The following TMEM132C variants were observed in gnomAD, a reference collection of about 807,000 sequenced individuals.
TMEM132C encodes the protein protein phosphatase 1, regulatory subunit 152.
TMEM132C carries 29 observed loss-of-function variants against 61.4 expected under a neutral mutation model. That is an observed-to-expected ratio of 0.47 (90% CI 0.35 to 0.64). TMEM132C has a LOEUF of 0.64. TMEM132C is among the 30% of genes least tolerant of loss of function. The pLI is 0.00. For missense variants in TMEM132C, 1,408 were observed against 1,476.9 expected (o/e 0.95, Z 0.76); for synonymous variants, 656 against 633.1 (o/e 1.04, Z -0.54).
intron 1 of TMEM132C, among the ~76,000 whole-genome samples, chr12:128,349,646 G>A (rs1284907401): frequency 1.3e-5 from 2 of 152,128 alleles, no homozygotes; most frequent in African/African-American, 4.8e-5. Context: ...CTCCTTTTGT[G>A]TTTCAGGTAT....
intron 8 of TMEM132C, among the ~76,000 whole-genome samples, chr12:128,702,297 A>AT (rs1954809693): frequency 6.6e-6 from 1 of 151,390 alleles, no homozygotes; most frequent in South Asian, 2.1e-4. Flanking sequence ...TTCATAGACT[A>AT]TTTTTGTTGG....
chr12:128,320,111 T>C (rs1219644135), intron 1 of TMEM132C, among the ~76,000 whole-genome samples: 1 of 152,204 alleles, frequency 6.6e-6, no homozygotes, highest in Non-Finnish European at 1.5e-5. Flanking sequence ...TTAGGAACGC[T>C]CCTGTTTTTG....
chr12:128,271,775 G>A (rs1426926506), intron 1 of TMEM132C, among the ~76,000 whole-genome samples: 2 of 152,176 alleles, frequency 1.3e-5, no homozygotes, highest in African/African-American at 4.8e-5. Flanking sequence ...TCACCAGGGT[G>A]GCTACAGTCA....
At chr12:128,517,762 C>T (rs111817873) in intron 2 of TMEM132C, among the ~76,000 whole-genome samples, 1 of 152,042 alleles carries the variant, frequency 6.6e-6, no homozygotes, top group Non-Finnish European at 1.5e-5. Context: ...GCAGCCATGT[C>T]CTGTCTTTGG....
chr12:128,613,163 A>C (rs1876689777), intron 3 of TMEM132C, among the ~76,000 whole-genome samples: 1 of 152,118 alleles, frequency 6.6e-6, no homozygotes, highest in Admixed American at 6.5e-5. Context: ...ATCCAATACT[A>C]AGGGAAGTGA....
At chr12:128,674,639 G>A (rs1392113023) in intron 5 of TMEM132C, among the ~76,000 whole-genome samples, 4 of 152,158 alleles carry the variant, frequency 2.6e-5, no homozygotes, top group African/African-American at 9.7e-5. Context: ...GAGCTACAGT[G>A]TGCTCACCTG....
intron 1 of TMEM132C, among the ~76,000 whole-genome samples, chr12:128,303,453 T>C (rs1412117186): frequency 1.3e-5 from 2 of 152,222 alleles, no homozygotes; most frequent in Non-Finnish European, 2.9e-5. Context: ...GAGGGAACAA[T>C]GATTTTAATT....
chr12:128,680,423 G>C (rs1485907971), intron 5 of TMEM132C, among the ~76,000 whole-genome samples: 1 of 152,200 alleles, frequency 6.6e-6, no homozygotes, highest in Non-Finnish European at 1.5e-5. Context: ...TGTCATCATA[G>C]ACTGATATTA....
intron 4 of TMEM132C, among the ~76,000 whole-genome samples, chr12:128,621,847 G>A (rs1362380009): frequency 2.0e-5 from 3 of 152,152 alleles, no homozygotes; most frequent in East Asian, 1.9e-4. Context: ...TGGGACTAGC[G>A]TGGGGTGTTG....
At chr12:128,602,958 C>T (rs372789600) in intron 3 of TMEM132C, among the ~76,000 whole-genome samples, 26 of 152,296 alleles carry the variant, frequency 1.7e-4, no homozygotes, top group African/African-American at 5.3e-4. Flanking sequence ...CAAGGTGGCC[C>T]AAGGTTACTG....
intron 2 of TMEM132C, among the ~76,000 whole-genome samples, chr12:128,516,056 C>G (rs1872707624): frequency 6.6e-6 from 1 of 152,092 alleles, no homozygotes; most frequent in Non-Finnish European, 1.5e-5. Flanking sequence ...TGTTTCCATT[C>G]AGAAGGAAGG....
At chr12:128,492,764 G>T (rs1349571798) in intron 2 of TMEM132C, among the ~76,000 whole-genome samples, 1 of 152,080 alleles carries the variant, frequency 6.6e-6, no homozygotes, top group Non-Finnish European at 1.5e-5. Context: ...CTTTGTCAGA[G>T]GGGTAGATTG....
intron 1 of TMEM132C, among the ~76,000 whole-genome samples, chr12:128,321,500 C>G (rs1389014905): frequency 6.6e-6 from 1 of 152,162 alleles, no homozygotes; most frequent in African/African-American, 2.4e-5. Flanking sequence ...TGGAGGGATG[C>G]AGCTCTGGCT....
At chr12:128,399,053 C>T (rs893741336) in intron 1 of TMEM132C, among the ~76,000 whole-genome samples, 3 of 152,168 alleles carry the variant, frequency 2.0e-5, no homozygotes, top group South Asian at 2.1e-4. Context: ...ATCAGGAAAG[C>T]ATTTTCTACT....
intron 2 of TMEM132C, among the ~76,000 whole-genome samples, chr12:128,509,258 A>C (rs1223330736): frequency 2.0e-5 from 3 of 152,204 alleles, no homozygotes; most frequent in African/African-American, 4.8e-5. Context: ...GCTTTTCCCA[A>C]AGCGGGCTTT....
intron 2 of TMEM132C, among the ~76,000 whole-genome samples, chr12:128,517,853 C>G (rs1399349941): frequency 6.6e-6 from 1 of 152,130 alleles, no homozygotes; most frequent in African/African-American, 2.4e-5. Context: ...TGGGATTGAG[C>G]TCTTTCTGCA....
At chr12:128,554,857 G>C (rs1456317116) in intron 3 of TMEM132C, among the ~76,000 whole-genome samples, 1 of 152,182 alleles carries the variant, frequency 6.6e-6, no homozygotes. Context: ...GGATCCTGGT[G>C]CCTGGCGTGG....
At chr12:128,623,626 G>A (rs376330905) in intron 4 of TMEM132C, among the ~76,000 whole-genome samples, 2 of 151,970 alleles carry the variant, frequency 1.3e-5, no homozygotes, top group East Asian at 1.9e-4. Context: ...GGGCAACATG[G>A]TGAAACCCCA....
chr12:128,267,637 C>A, intron 1 of TMEM132C, 150 bp downstream of exon 1: 1 of 638,854 alleles, frequency 1.6e-6, no homozygotes, highest in Non-Finnish European at 2.1e-6. Context: ...GGGTGCCGAG[C>A]CGCCCCTAAT....
Sources: gnomAD v4.1 joint callset for allele counts (sites outside exome capture counted in the v4.1 genomes callset) on GRCh38, gnomAD v4.1.1 for gene constraint, MANE v1.5 for transcripts, NCBI Gene and HGNC (gene_info 2026-07-23, HGNC 2026-07-21) for gene names.